Variants in GABBR2 observed in about 807,000 individuals in gnomAD.
The protein encoded by GABBR2 is gamma-aminobutyric acid type B receptor subunit 2, also known as G-protein coupled receptor 51.
GABBR2 carries 23 observed loss-of-function variants against 105.6 expected under a neutral mutation model. The ratio of observed to expected loss-of-function variants is 0.22; its 90% CI spans 0.16 to 0.31. GABBR2 has a LOEUF of 0.31. Among genes scored for constraint, GABBR2 ranks in the 10% least tolerant of loss-of-function variants. GABBR2 has a pLI of 1.00. For synonymous variants in GABBR2, 478 were observed against 499.7 expected (o/e 0.96, Z 0.58); for missense variants, 734 against 1,245.5 (o/e 0.59, Z 6.18).
chr9:98,531,765 T>A (rs990106667), intron 3 of GABBR2, among the ~76,000 whole-genome samples: 3 of 152,250 alleles, frequency 2.0e-5, no homozygotes, highest in Admixed American at 6.5e-5. Flanking sequence ...GTGGGGCTGA[T>A]TCTTGACATT....
chr9:98,529,158 A>C (rs1828017732), intron 3 of GABBR2, among the ~76,000 whole-genome samples: 1 of 146,294 alleles, frequency 6.8e-6, no homozygotes, highest in Non-Finnish European at 1.5e-5. Context: ...AAAAAATGTT[A>C]AGAAAAAAAA....
At chr9:98,426,267 A>G (rs146965989) in intron 7 of GABBR2, among the ~76,000 whole-genome samples, 1 of 152,192 alleles carries the variant, frequency 6.6e-6, no homozygotes, top group East Asian at 1.9e-4. Context: ...CACATAACCT[A>G]TCCAGGACTT....
At chr9:98,341,258 G>C (rs1334025641) in intron 13 of GABBR2, among the ~76,000 whole-genome samples, 1 of 152,226 alleles carries the variant, frequency 6.6e-6, no homozygotes, top group Non-Finnish European at 1.5e-5. Context: ...AGACACATCT[G>C]TGCCCACAAT....
At chr9:98,614,750 G>T (rs4327958) in intron 1 of GABBR2, among the ~76,000 whole-genome samples, 106,335 of 148,952 alleles carry the variant, frequency 0.71, 38,683 homozygotes, top group Middle Eastern at 0.84. Context: ...AAGGGGGAAA[G>T]GAGAATGGAG....
At chr9:98,581,881 T>C (rs1829008330) in intron 1 of GABBR2, among the ~76,000 whole-genome samples, 1 of 152,218 alleles carries the variant, frequency 6.6e-6, no homozygotes, top group Non-Finnish European at 1.5e-5. Flanking sequence ...TTTCTGAATA[T>C]CCAGCCCATG....
chr9:98,532,123 A>G (rs1042451617), intron 3 of GABBR2, among the ~76,000 whole-genome samples: 2 of 152,270 alleles, frequency 1.3e-5, no homozygotes, highest in Non-Finnish European at 1.5e-5. Flanking sequence ...TAATAACACA[A>G]ATACAGAGAT....
At chr9:98,666,394 C>T (rs1288087951) in intron 1 of GABBR2, among the ~76,000 whole-genome samples, 5 of 152,178 alleles carry the variant, frequency 3.3e-5, no homozygotes, top group Admixed American at 3.3e-4. Flanking sequence ...TGCTTCTCAT[C>T]CTTGCAGCTT....
At chr9:98,704,288 C>T (rs1044802321) in intron 1 of GABBR2, among the ~76,000 whole-genome samples, 2 of 152,186 alleles carry the variant, frequency 1.3e-5, no homozygotes, top group Non-Finnish European at 2.9e-5. Context: ...AAGACATGCT[C>T]AACAATCACT....
chr9:98,660,600 C>T (rs1302161832), intron 1 of GABBR2, among the ~76,000 whole-genome samples: 2 of 152,176 alleles, frequency 1.3e-5, no homozygotes, highest in African/African-American at 4.8e-5. Context: ...CAGCTTAAAA[C>T]AACACAAATG....
chr9:98,619,695 T>C (rs1417915620), intron 1 of GABBR2, among the ~76,000 whole-genome samples: 1 of 152,240 alleles, frequency 6.6e-6, no homozygotes, highest in Admixed American at 6.5e-5. Context: ...AAGCTTTTGA[T>C]ACTTGGAGTT....
At chr9:98,689,444 TG>T (rs1475459455) in intron 1 of GABBR2, among the ~76,000 whole-genome samples, 1 of 152,234 alleles carries the variant, frequency 6.6e-6, no homozygotes, top group East Asian at 1.9e-4. Flanking sequence ...GACTGGGGAA[TG>T]TGTTTGCTTT....
intron 13 of GABBR2, among the ~76,000 whole-genome samples, chr9:98,334,836 T>C (rs184073622): frequency 1.3e-5 from 2 of 152,308 alleles, no homozygotes; most frequent in African/African-American, 4.8e-5. Flanking sequence ...TGAAGCTTAA[T>C]CCACTATCGC....
intron 7 of GABBR2, among the ~76,000 whole-genome samples, chr9:98,424,869 G>T (rs1832846242): frequency 6.6e-6 from 1 of 152,068 alleles, no homozygotes; most frequent in East Asian, 1.9e-4. Flanking sequence ...CATGCTCATG[G>T]GTAGGAAGAA....
chr9:98,651,843 T>C (rs915736072), intron 1 of GABBR2, among the ~76,000 whole-genome samples: 19 of 152,242 alleles, frequency 1.2e-4, no homozygotes, highest in African/African-American at 4.6e-4. Context: ...AATTGGAAAT[T>C]TGAACCCTGA....
intron 13 of GABBR2, among the ~76,000 whole-genome samples, chr9:98,347,769 T>G (rs1445399989): frequency 6.6e-6 from 1 of 152,198 alleles, no homozygotes; most frequent in African/African-American, 2.4e-5. Context: ...AAATAGGGGT[T>G]GATATGGTTT....
In GABBR2 at chr9:98,600,068, T is replaced by C. The variant is rs1829303262; in HGVS notation, c.322-21996A>G. On this transcript the variant is annotated intron_variant, in intron 1 of 18. Coordinates refer to ENST00000259455, the MANE Select transcript of GABBR2 (RefSeq NM_005458.8). ...TCATGGAGGCAGCTTATCCTACTCT[T>C]TCTACTGAGGCATGCATCTGAAATC... Among the ~76,000 whole-genome samples the C allele has an allele frequency of 2.0e-5, 3 of 152,158 alleles. No homozygotes were observed. In the South Asian group the frequency reaches 6.2e-4, roughly 32 times the overall value.
In GABBR2 at chr9:98,360,203, G is replaced by A. The variant is rs370675323; in HGVS notation, c.1893+2512C>T. Among the ~76,000 whole-genome samples the A allele has an allele frequency of 3.9e-5, 6 of 152,128 alleles. No individual in the cohort carries two copies. The East Asian group carries it at 7.7e-4, about 20-fold the overall frequency. On this transcript the variant is annotated intron_variant, in intron 13 of 18. Coordinates refer to ENST00000259455, the MANE Select transcript of GABBR2 (RefSeq NM_005458.8). ...GAGATCCTGGACAAAACAGCCCCTT[G>A]AAGGAGACTTTAGGATACCTCAGGC...
chr9:98,646,424 C>T (rs1830029424), intron 1 of GABBR2, among the ~76,000 whole-genome samples: 1 of 152,150 alleles, frequency 6.6e-6, no homozygotes, highest in Non-Finnish European at 1.5e-5. Context: ...CGGGAGAGGA[C>T]TCCTGGAAGC....
rs1050120226 is a variant in GABBR2 at position 98,548,286 on chromosome 9, G to A, written c.460-6243C>T. On this transcript the variant is annotated intron_variant, in intron 2 of 18. Transcript: ENST00000259455. ...AATTGCATATACTTCTCAGAAGGCC[G>A]GAGAATAAGTATTTAAGCACAGTTT... is the stretch of plus-strand genomic sequence containing the variant. 2.7e-4 allele frequency among the ~76,000 whole-genome samples: 33 copies of A among 120,794 alleles called. 5 individuals carry two copies. Among genetic ancestry groups the A allele is most frequent in the Non-Finnish European group, 5.8e-4 (31 of 53,902 alleles). 79.2% of individuals were successfully genotyped at this position (120,794 alleles called of 152,430 possible).
Sources: allele counts gnomAD v4.1 joint callset (sites outside exome capture counted in the v4.1 genomes callset), GRCh38; gene constraint gnomAD v4.1.1; transcripts MANE v1.5; gene names NCBI Gene and HGNC (gene_info 2026-07-23, HGNC 2026-07-21).